FAM149B1: variants seen among roughly 807,000 people sequenced by gnomAD.
FAM149B1 encodes the protein family with sequence similarity 149 member B1.
Under a neutral mutation model 75.3 loss-of-function variants are expected in FAM149B1, and 56 were observed. That is an observed-to-expected ratio of 0.74 (90% CI 0.60 to 0.93). The LOEUF (loss-of-function observed/expected upper bound fraction) is 0.93, where lower values mean the gene tolerates loss of function less well. Ranked by LOEUF, FAM149B1 falls within the 40% of genes least tolerant of loss-of-function variation. The pLI is 0.00. For synonymous variants in FAM149B1, 259 were observed against 256.1 expected (o/e 1.01, Z -0.11); for missense variants, 639 against 708.4 (o/e 0.90, Z 1.11).
chr10:73,208,227 C>T (rs760921634), intron 5 of FAM149B1, among the ~76,000 whole-genome samples: 13 of 152,328 alleles, frequency 8.5e-5, no homozygotes, highest in Admixed American at 2.0e-4. Flanking sequence ...TGAGTAAAAG[C>T]TTTGTAAGTC....
chr10:73,180,677 A>G lies in FAM149B1; in HGVS notation c.282+2702A>G, dbSNP rs182836613. On this transcript the variant is annotated intron_variant, in intron 3 of 13. Coordinates refer to ENST00000242505, the MANE Select transcript of FAM149B1 (RefSeq NM_173348.2). ...ACTAGTCAGGATTTTATCTTTAGAAAAATTGAATGTTATAATATTCTTTTT... is the reference window on the plus strand; with the variant it reads ...ACTAGTCAGGATTTTATCTTTAGAAGAATTGAATGTTATAATATTCTTTTT... Among the ~76,000 whole-genome samples, 306 of 152,320 alleles carry G rather than the reference A, an allele frequency of 2.0e-3. 2 individuals are homozygous for G. Among genetic ancestry groups the G allele is most frequent in the African/African-American group, 7.2e-3 (298 of 41,576 alleles).
intron 12 of FAM149B1, 169 bp from the exon 13 acceptor site, chr10:73,239,143 G>A: frequency 1.8e-6 from 1 of 549,988 alleles, no homozygotes; most frequent in Non-Finnish European, 3.2e-6. Flanking sequence ...ATCTGGCTTG[G>A]GATTTTCTAC....
intron 9 of FAM149B1, among the ~76,000 whole-genome samples, chr10:73,231,675 A>C (rs919170653): frequency 1.3e-5 from 2 of 152,164 alleles, no homozygotes; most frequent in Non-Finnish European, 1.5e-5. Context: ...AAATAGAGGA[A>C]TCAAAGTTAT....
intron 13 of FAM149B1, among the ~76,000 whole-genome samples, chr10:73,240,333 C>T (rs1285125799): frequency 3.9e-5 from 6 of 152,224 alleles, no homozygotes; most frequent in African/African-American, 1.2e-4. Context: ...CAGTTCCCCG[C>T]AGCATTGTCT....
Position 73,192,426 on chromosome 10 carries a change from G to A in FAM149B1, c.283-130G>A, listed in dbSNP as rs562834647. 14 of 856,938 alleles carry A rather than the reference G, an allele frequency of 1.6e-5. No individual in the cohort carries two copies. The South Asian group carries it at 1.9e-4, about 12-fold the overall frequency. The allele number at this position is 856,938 out of a possible 1,614,324, so 53.1% of individuals were successfully genotyped here. On this transcript the variant is annotated intron_variant, in intron 3 of 13. Coordinates refer to ENST00000242505, the MANE Select transcript of FAM149B1 (RefSeq NM_173348.2). ...CTCACTAATTTAACTTTTCTTTCGT[G>A]GAAACACAGCAGTATTTCAAGTAGA...
intron 13 of FAM149B1, among the ~76,000 whole-genome samples, chr10:73,240,145 TAA>T (rs1431828402): frequency 6.6e-6 from 1 of 152,198 alleles, no homozygotes; most frequent in African/African-American, 2.4e-5. Context: ...CAGGATGTCT[TAA>T]TTCTTCCTGT....
chr10:73,230,274 G>T, intron 8 of FAM149B1, 148 bp from the exon 9 acceptor site: 1 of 558,072 alleles, frequency 1.8e-6, no homozygotes, highest in Non-Finnish European at 3.2e-6. Context: ...TGGGGCCCCA[G>T]CTACGGGCCC....
chr10:73,202,944 T>C (rs2042974390), intron 5 of FAM149B1, among the ~76,000 whole-genome samples: 1 of 152,158 alleles, frequency 6.6e-6, no homozygotes, highest in South Asian at 2.1e-4. Flanking sequence ...CAGTGCCACC[T>C]GCCATGGTTA....
chr10:73,228,747 A>G (rs2133396908), intron 8 of FAM149B1, among the ~76,000 whole-genome samples: 1 of 152,104 alleles, frequency 6.6e-6, no homozygotes, highest in African/African-American at 2.4e-5. Context: ...ACAGATGTGC[A>G]CCACCACTCG....
intron 7 of FAM149B1, among the ~76,000 whole-genome samples, chr10:73,224,587 T>C (rs978240820): frequency 6.6e-6 from 1 of 151,306 alleles, no homozygotes; most frequent in Non-Finnish European, 1.5e-5. Flanking sequence ...TTCTCCTGCC[T>C]CAGCCTCCCG....
chr10:73,216,850 A>G (rs2043308834), intron 7 of FAM149B1, among the ~76,000 whole-genome samples: 1 of 152,188 alleles, frequency 6.6e-6, no homozygotes, highest in Non-Finnish European at 1.5e-5. Context: ...AGTGTGTTAT[A>G]AGTTCTGACA....
chr10:73,205,314 T>C (rs1191783483), intron 5 of FAM149B1, among the ~76,000 whole-genome samples: 1 of 149,828 alleles, frequency 6.7e-6, no homozygotes, highest in Non-Finnish European at 1.5e-5. Context: ...TCTAGTCATT[T>C]AGAAGTGTGC....
intron 7 of FAM149B1, among the ~76,000 whole-genome samples, chr10:73,225,328 C>T (rs2043514862): frequency 6.6e-6 from 1 of 152,126 alleles, no homozygotes; most frequent in African/African-American, 2.4e-5. Context: ...CTTTGAAGAC[C>T]TTCCGGTGGG....
chr10:73,188,078 G>A (rs1053719481), intron 3 of FAM149B1, among the ~76,000 whole-genome samples: 4 of 151,968 alleles, frequency 2.6e-5, no homozygotes, highest in Non-Finnish European at 4.4e-5. Flanking sequence ...GCATGACTCC[G>A]ACTCAAAACA....
At chr10:73,183,843 T>A (rs2042458686) in intron 3 of FAM149B1, among the ~76,000 whole-genome samples, 1 of 152,358 alleles carries the variant, frequency 6.6e-6, no homozygotes, top group South Asian at 2.1e-4. Flanking sequence ...GCAGCCTCAC[T>A]GTTGGAGAAG....
chr10:73,243,635 G>T lies in FAM149B1; in HGVS notation c.*2616G>T. On this transcript the variant is annotated 3_prime_UTR_variant, in exon 14 of 14. Coordinates refer to ENST00000242505, the MANE Select transcript of FAM149B1 (RefSeq NM_173348.2). ...CTACTAATGGGTATGGAGTTTTTTT[G>T]GAATGGTGAAAATGTCCTACAATTG... 5.8e-6 allele frequency: 8 copies of T among 1,376,920 alleles called. No homozygotes were observed. In the South Asian group the frequency reaches 9.5e-5, roughly 16 times the overall value. The allele number at this position is 1,376,920 out of a possible 1,614,324, so 85.3% of individuals were successfully genotyped here.
At chr10:73,192,803 T>A in intron 4 of FAM149B1, 105 bp downstream of exon 4, 1 of 1,089,260 alleles carries the variant, frequency 9.2e-7, no homozygotes, top group Non-Finnish European at 1.3e-6. Flanking sequence ...AGCATGACTT[T>A]AATGAATGTA....
chr10:73,240,240 G>A (rs758412840), intron 13 of FAM149B1, among the ~76,000 whole-genome samples: 1 of 152,156 alleles, frequency 6.6e-6, no homozygotes, highest in South Asian at 2.1e-4. Context: ...GATGTTTCCT[G>A]TTAATGATCA....
At chr10:73,239,583 C>A (rs2043897179) in intron 13 of FAM149B1, among the ~76,000 whole-genome samples, 199 bp downstream of exon 13, 1 of 151,420 alleles carries the variant, frequency 6.6e-6, no homozygotes. Context: ...TTGCTCAGAG[C>A]CAAAAAGTTT....
Sources: allele counts gnomAD v4.1 joint callset (sites outside exome capture counted in the v4.1 genomes callset), GRCh38; gene constraint gnomAD v4.1.1; transcripts MANE v1.5; gene names NCBI Gene and HGNC (gene_info 2026-07-23, HGNC 2026-07-21).